Variants in ST7 observed in about 807,000 individuals in gnomAD.
ST7 encodes the protein suppression of tumorigenicity 7.
Under a neutral mutation model 78.7 loss-of-function variants are expected in ST7, and 28 were observed. The ratio of observed to expected loss-of-function variants is 0.36; its 90% CI spans 0.26 to 0.49. ST7 has a LOEUF of 0.49. ST7 is among the 20% of genes least tolerant of loss of function. ST7 has a pLI of 0.99. For missense variants in ST7, 418 were observed against 696.0 expected, an observed-to-expected ratio of 0.60 and a Z score of 4.49; for synonymous variants, 247 against 249.6, an observed-to-expected ratio of 0.99 and a Z score of 0.10.
intron 1 of ST7, among the ~76,000 whole-genome samples, chr7:117,098,410 C>A (rs1219919903): frequency 9.9e-5 from 15 of 152,052 alleles, no homozygotes; most frequent in Admixed American, 6.6e-4. Context: ...TGTCCATCTC[C>A]TGGACTTCCT....
chr7:117,074,479 T>C (rs933913283), intron 1 of ST7, among the ~76,000 whole-genome samples: 4 of 152,070 alleles, frequency 2.6e-5, no homozygotes, highest in African/African-American at 9.7e-5. Context: ...TTAGGAAAAG[T>C]AAATCACACC....
intron 9 of ST7, among the ~76,000 whole-genome samples, chr7:117,139,992 C>T (rs62469371): frequency 9.2e-5 from 14 of 152,124 alleles, no homozygotes; most frequent in African/African-American, 2.9e-4. Flanking sequence ...ACAGAGTTTT[C>T]TTAACTTTAA....
chr7:117,018,032 C>T (rs1795698984), intron 1 of ST7, among the ~76,000 whole-genome samples: 1 of 151,992 alleles, frequency 6.6e-6, no homozygotes, highest in South Asian at 2.1e-4. Context: ...AAATATAGGC[C>T]CTCAGAAAAA....
chr7:116,982,383 C>G (rs955470241), intron 1 of ST7, among the ~76,000 whole-genome samples: 1 of 152,040 alleles, frequency 6.6e-6, no homozygotes, highest in Non-Finnish European at 1.5e-5. Flanking sequence ...CACCATCACG[C>G]CCGGCTAATT....
chr7:117,143,820 T>G (rs1420858856), intron 9 of ST7, among the ~76,000 whole-genome samples: 2 of 152,210 alleles, frequency 1.3e-5, no homozygotes, highest in East Asian at 1.9e-4. Context: ...CTGTTCTTAC[T>G]GTTATTGTCC....
intron 1 of ST7, among the ~76,000 whole-genome samples, chr7:117,053,928 C>T (rs10265828): frequency 0.036 from 5,437 of 151,874 alleles, 314 homozygotes; most frequent in African/African-American, 0.12. Context: ...ACCTCTGCCT[C>T]ATGGGTTCAA....
Position 116,955,700 on chromosome 7 carries a change from T to A in ST7, c.151+2009T>A, listed in dbSNP as rs376615014. ...AATTACCCATGTATATATGTGTAAGTGTCACATCCAGTGCTCTGTGCAGAT... is the reference window on the plus strand; with the variant it reads ...AATTACCCATGTATATATGTGTAAGAGTCACATCCAGTGCTCTGTGCAGAT... On this transcript the variant is annotated intron_variant, in intron 1 of 15. Coordinates refer to ENST00000323984, the MANE Select transcript of ST7 (RefSeq NM_001369598.1). Among the ~76,000 whole-genome samples the A allele has an allele frequency of 1.6e-4, 25 of 152,364 alleles. No individual in the cohort carries two copies. The South Asian group carries it at 5.0e-3, about 30-fold the overall frequency.
chr7:117,011,211 C>A (rs1795371179), intron 1 of ST7, among the ~76,000 whole-genome samples: 1 of 151,984 alleles, frequency 6.6e-6, no homozygotes, highest in Non-Finnish European at 1.5e-5. Context: ...GGGGGTCTGC[C>A]TAGAAAGGAA....
At chr7:117,080,661 G>A (rs1799702813) in intron 1 of ST7, among the ~76,000 whole-genome samples, 1 of 152,156 alleles carries the variant, frequency 6.6e-6, no homozygotes. Flanking sequence ...TGGGATTGAT[G>A]AGTGGATGAG....
At chr7:117,169,073 T>C (rs964609599) in intron 9 of ST7, among the ~76,000 whole-genome samples, 1 of 152,142 alleles carries the variant, frequency 6.6e-6, no homozygotes, top group African/African-American at 2.4e-5. Flanking sequence ...TTTACCTTTC[T>C]TTTTTTGAAC....
intron 1 of ST7, among the ~76,000 whole-genome samples, chr7:117,051,563 T>C (rs955851536): frequency 2.6e-5 from 4 of 152,000 alleles, no homozygotes; most frequent in African/African-American, 9.7e-5. Flanking sequence ...CACTGAAGAG[T>C]TTTAAAACTC....
chr7:117,069,682 T>C (rs1236812135), intron 1 of ST7, among the ~76,000 whole-genome samples: 1 of 152,216 alleles, frequency 6.6e-6, no homozygotes, highest in Non-Finnish European at 1.5e-5. Flanking sequence ...ACTTAAGAGC[T>C]TTAGTAATTG....
chr7:116,972,488 G>A (rs764575412), intron 1 of ST7: 261 of 906,272 alleles, frequency 2.9e-4, no homozygotes, highest in Admixed American at 8.7e-4. Context: ...TCCTCTGTGC[G>A]TTCCAAGTCT....
intron 1 of ST7, chr7:117,080,914 A>T (rs1254115496): frequency 6.6e-6 from 1 of 152,186 alleles, no homozygotes; most frequent in Non-Finnish European, 1.5e-5. Flanking sequence ...GGAACTGTGT[A>T]TATCACACCA....
chr7:117,225,900 G>A (rs1225157639), intron 15 of ST7, among the ~76,000 whole-genome samples: 1 of 152,180 alleles, frequency 6.6e-6, no homozygotes, highest in Non-Finnish European at 1.5e-5. Context: ...ATCTACCTCA[G>A]TGATTTAGGA....
At chr7:117,083,689 AT>A (rs1343875041) in intron 1 of ST7, among the ~76,000 whole-genome samples, 1 of 152,192 alleles carries the variant, frequency 6.6e-6, no homozygotes, top group Non-Finnish European at 1.5e-5. Context: ...TATGATATAT[AT>A]TTTATATGAT....
intron 1 of ST7, among the ~76,000 whole-genome samples, chr7:117,054,670 A>G (rs1266556216): frequency 2.0e-5 from 3 of 152,204 alleles, no homozygotes; most frequent in Admixed American, 6.5e-5. Context: ...TATGACAAAT[A>G]TGTCTTCATG....
At chr7:117,202,869 T>TC (rs1811006729) in intron 12 of ST7, among the ~76,000 whole-genome samples, 2 of 148,244 alleles carry the variant, frequency 1.3e-5, no homozygotes, top group African/African-American at 5.0e-5. Context: ...AAGTGTTTTT[T>TC]TCCCCCCCTC....
chr7:117,201,770 T>C (rs1202300637), intron 12 of ST7, among the ~76,000 whole-genome samples: 1 of 152,056 alleles, frequency 6.6e-6, no homozygotes, highest in African/African-American at 2.4e-5. Flanking sequence ...GTGCTGGGAT[T>C]ACAGGTGTGA....
Sources: gnomAD v4.1 joint callset for allele counts (sites outside exome capture counted in the v4.1 genomes callset) on GRCh38, gnomAD v4.1.1 for gene constraint, MANE v1.5 for transcripts, NCBI Gene and HGNC (gene_info 2026-07-23, HGNC 2026-07-21) for gene names.